KIAA1671: variants seen among roughly 807,000 people sequenced by gnomAD.
KIAA1671 encodes the protein uncharacterized protein KIAA1671.
In KIAA1671, 52 loss-of-function variants were observed where a neutral mutation model predicts 131.2. That is an observed-to-expected ratio of 0.40 (90% confidence interval 0.32 to 0.50). KIAA1671 has a LOEUF of 0.50. Among genes scored for constraint, KIAA1671 ranks in the 20% least tolerant of loss-of-function variants. The pLI is 0.73. For synonymous variants in KIAA1671, 1,003 were observed against 961.6 expected (o/e 1.04, Z -0.80); for missense variants, 2,360 against 2,364.2 (o/e 1.00, Z 0.04).
intron 6 of KIAA1671, among the ~76,000 whole-genome samples, chr22:25,101,024 T>C (rs1333570858): frequency 3.9e-5 from 6 of 152,228 alleles, no homozygotes. Context: ...GTGTTCCTTA[T>C]CCCATTTCTC....
At chr22:25,086,786 C>G (rs1188250937) in intron 6 of KIAA1671, among the ~76,000 whole-genome samples, 3 of 152,200 alleles carry the variant, frequency 2.0e-5, no homozygotes, top group Non-Finnish European at 4.4e-5. Context: ...AGGCGCCAGT[C>G]CGAATCCCAG....
chr22:25,077,961 G>A (rs1026892261), intron 6 of KIAA1671, among the ~76,000 whole-genome samples: 1 of 152,294 alleles, frequency 6.6e-6, no homozygotes, highest in South Asian at 2.1e-4. Flanking sequence ...GCCTCAGTGT[G>A]TGGGATCTTG....
chr22:25,107,732 C>T (rs771326400), intron 6 of KIAA1671, among the ~76,000 whole-genome samples: 10 of 151,816 alleles, frequency 6.6e-5, no homozygotes, highest in African/African-American at 1.7e-4. Flanking sequence ...AATTATTGGC[C>T]GGGCATGGTG....
chr22:25,187,474 A>AT (rs55986117), intron 11 of KIAA1671, among the ~76,000 whole-genome samples: 4,581 of 150,488 alleles, frequency 0.03, 201 homozygotes, highest in African/African-American at 0.1. Flanking sequence ...CATAAACGTG[A>AT]TTTTTTTTTT....
chr22:24,970,912 T>A (rs756677431), intron 1 of KIAA1671, among the ~76,000 whole-genome samples: 4 of 152,174 alleles, frequency 2.6e-5, no homozygotes, highest in Non-Finnish European at 4.4e-5. Flanking sequence ...TGCTATGCAC[T>A]ATCTCACTCA....
intron 12 of KIAA1671, 76 bp downstream of exon 12, chr22:25,190,860 T>C: frequency 1.0e-6 from 1 of 985,760 alleles, no homozygotes; most frequent in Non-Finnish European, 1.6e-6. Flanking sequence ...GGGGCCACGC[T>C]TCAGAGACTG....
chr22:25,183,648 G>A (rs1290068959), intron 10 of KIAA1671, among the ~76,000 whole-genome samples: 10 of 151,584 alleles, frequency 6.6e-5, no homozygotes, highest in Non-Finnish European at 1.0e-4. Context: ...TCAGCCTCCC[G>A]AGTAGCTGGG....
chr22:25,043,996 A>G (rs1927084435), intron 5 of KIAA1671, among the ~76,000 whole-genome samples: 1 of 141,022 alleles, frequency 7.1e-6, no homozygotes, highest in East Asian at 1.9e-4. Context: ...CAGAAAGGAA[A>G]CTCTAGGATA....
chr22:25,098,969 T>C (rs565361902), intron 6 of KIAA1671, among the ~76,000 whole-genome samples: 8 of 152,058 alleles, frequency 5.3e-5, no homozygotes, highest in Admixed American at 2.6e-4. Flanking sequence ...GCTCTGCAAG[T>C]GGAGACCATT....
At chr22:25,179,323 C>T (rs1934173949) in intron 9 of KIAA1671, 1 of 1,587,560 alleles carries the variant, frequency 6.3e-7, no homozygotes, top group Non-Finnish European at 8.6e-7. Context: ...CCCGACATCT[C>T]CTCTCGCTGC....
chr22:25,184,784 G>A (rs1005863003), intron 10 of KIAA1671, among the ~76,000 whole-genome samples, 193 bp from the exon 11 acceptor site: 1 of 152,060 alleles, frequency 6.6e-6, no homozygotes, highest in African/African-American at 2.4e-5. Context: ...GATCTTGGGG[G>A]TCGAGGGTGG....
intron 6 of KIAA1671, among the ~76,000 whole-genome samples, chr22:25,133,723 T>G (rs1932552773): frequency 1.3e-5 from 2 of 152,122 alleles, no homozygotes; most frequent in African/African-American, 4.8e-5. Flanking sequence ...AAAAATTTTT[T>G]TTCTTGTAGA....
chr22:25,020,974 T>C (rs928469598), intron 1 of KIAA1671, among the ~76,000 whole-genome samples: 1 of 152,306 alleles, frequency 6.6e-6, no homozygotes, highest in East Asian at 1.9e-4. Flanking sequence ...AATGACATCC[T>C]GGCGCTTGCA....
At chr22:25,025,586 T>A (rs1161874881) in intron 1 of KIAA1671, 47 bp from the exon 2 acceptor site, 1 of 152,208 alleles carries the variant, frequency 6.6e-6, no homozygotes, top group Non-Finnish European at 1.5e-5. Flanking sequence ...TCTGTTCCCA[T>A]ACTGCCAGAA....
chr22:25,064,382 T>C (rs1928353031), intron 6 of KIAA1671: 1 of 152,244 alleles, frequency 6.6e-6, no homozygotes, highest in South Asian at 2.1e-4. Flanking sequence ...GAGCCCTTAC[T>C]GTGTACTGGA....
chr22:25,019,844 A>T (rs951807914), intron 1 of KIAA1671, among the ~76,000 whole-genome samples: 3 of 152,058 alleles, frequency 2.0e-5, no homozygotes, highest in Admixed American at 6.6e-5. Flanking sequence ...AAGACTTGTG[A>T]TGTGATGGGA....
At chr22:24,998,256 A>T (rs915931248) in intron 1 of KIAA1671, among the ~76,000 whole-genome samples, 3 of 151,980 alleles carry the variant, frequency 2.0e-5, no homozygotes, top group Non-Finnish European at 2.9e-5. Flanking sequence ...AAAACACAAC[A>T]ACAAAAAATT....
chr22:25,004,562 A>T (rs1479529985), intron 1 of KIAA1671, among the ~76,000 whole-genome samples: 1 of 152,178 alleles, frequency 6.6e-6, no homozygotes, highest in Non-Finnish European at 1.5e-5. Context: ...CCATCTGCCC[A>T]TTTCCCTGCC....
At chr22:25,022,675 T>A (rs1007205695) in intron 1 of KIAA1671, 2 of 152,174 alleles carry the variant, frequency 1.3e-5, no homozygotes, top group Non-Finnish European at 2.9e-5. Context: ...AGAGAAACAC[T>A]CATTGCTAGC....
Sources: allele counts gnomAD v4.1 joint callset (sites outside exome capture counted in the v4.1 genomes callset), GRCh38; gene constraint gnomAD v4.1.1; transcripts MANE v1.5; gene names NCBI Gene and HGNC (gene_info 2026-07-23, HGNC 2026-07-21).